RNF180: variants seen among roughly 807,000 people sequenced by gnomAD.
RNF180 encodes the protein E3 ubiquitin-protein ligase RNF180.
In RNF180, 38 loss-of-function variants were observed where a neutral mutation model predicts 59.2. The ratio of observed to expected loss-of-function variants is 0.64; its 90% CI spans 0.50 to 0.84. RNF180 has a LOEUF of 0.84. Among genes scored for constraint, RNF180 ranks in the 40% least tolerant of loss-of-function variants. The pLI is 0.00. For missense variants in RNF180, 705 were observed against 700.9 expected, an observed-to-expected ratio of 1.01 and a Z score of -0.07; for synonymous variants, 262 against 240.3, an observed-to-expected ratio of 1.09 and a Z score of -0.84.
At chr5:64,336,359 C>T (rs1056438769) in intron 7 of RNF180, among the ~76,000 whole-genome samples, 2 of 152,056 alleles carry the variant, frequency 1.3e-5, no homozygotes, top group African/African-American at 4.8e-5. Flanking sequence ...TAATGCTCTA[C>T]TAAGGTGTGC....
chr5:64,183,441 CTTTTTTTT>C (rs367772828), intron 1 of RNF180, among the ~76,000 whole-genome samples: 3 of 89,914 alleles, frequency 3.3e-5, no homozygotes, highest in Admixed American at 1.3e-4. Context: ...GAAAGTATAC[CTTTTTTTT>C]TTTTTTTTTT....
At chr5:64,202,772 A>C (rs1451125077) in intron 2 of RNF180, among the ~76,000 whole-genome samples, 3 of 152,136 alleles carry the variant, frequency 2.0e-5, no homozygotes, top group Admixed American at 1.3e-4. Flanking sequence ...AACTGTTTTA[A>C]ATGCTTTAAA....
chr5:64,329,149 C>CA (rs1350659326), intron 6 of RNF180, among the ~76,000 whole-genome samples: 62 of 152,286 alleles, frequency 4.1e-4, no homozygotes, highest in African/African-American at 1.5e-3. Context: ...CTCAGGTGGT[C>CA]AACCCATCAC....
chr5:64,287,048 C>CAA (rs1346687088), intron 5 of RNF180, among the ~76,000 whole-genome samples: 1 of 152,156 alleles, frequency 6.6e-6, no homozygotes, highest in Non-Finnish European at 1.5e-5. Context: ...CTCACTGCAA[C>CAA]CTCCACCTCC....
In RNF180 at chr5:64,238,702, T is replaced by C. The variant is rs144871824; in HGVS notation, c.1227+21306T>C. Among the ~76,000 whole-genome samples, 984 of 152,332 alleles carry C rather than the reference T, an allele frequency of 6.5e-3. 10 individuals carry two copies. The highest frequency in any genetic ancestry group is 0.011 in the Non-Finnish European group (753 of 68,018). ...ATTGGGTTATTTTTTACTACTGAGT[T>C]GTAGGAGCTCCTTATATACTTTGGA... On this transcript the variant is annotated intron_variant, in intron 5 of 7. Coordinates refer to ENST00000389100, the MANE Select transcript of RNF180 (RefSeq NM_001113561.2).
chr5:64,307,912 T>C (rs1561251762), intron 5 of RNF180, among the ~76,000 whole-genome samples: 1 of 151,830 alleles, frequency 6.6e-6, no homozygotes, highest in African/African-American at 2.4e-5. Flanking sequence ...CCATCTGTAA[T>C]CTGCTAAATT....
chr5:64,246,584 A>G (rs1743182068), intron 5 of RNF180, among the ~76,000 whole-genome samples: 1 of 152,212 alleles, frequency 6.6e-6, no homozygotes, highest in African/African-American at 2.4e-5. Context: ...CCCTGAATAG[A>G]CCAATAACAA....
At chr5:64,306,562 T>G (rs1743467965) in intron 5 of RNF180, among the ~76,000 whole-genome samples, 1 of 151,606 alleles carries the variant, frequency 6.6e-6, no homozygotes, top group Non-Finnish European at 1.5e-5. Context: ...TAGCAAAGAC[T>G]TGGAACCAAC....
intron 6 of RNF180, among the ~76,000 whole-genome samples, chr5:64,328,428 T>G (rs536193257): frequency 2.0e-4 from 31 of 152,364 alleles, no homozygotes; most frequent in Non-Finnish European, 4.0e-4. Context: ...AAAAGTGGAC[T>G]TTAATAAAAC....
chr5:64,357,216 G>C (rs1746062830), intron 7 of RNF180, among the ~76,000 whole-genome samples: 1 of 151,720 alleles, frequency 6.6e-6, no homozygotes, highest in Non-Finnish European at 1.5e-5. Context: ...TAGGAGAAAA[G>C]ATGAAATTTA....
At chr5:64,308,710 T>C (rs1200102212) in intron 5 of RNF180, among the ~76,000 whole-genome samples, 1 of 151,748 alleles carries the variant, frequency 6.6e-6, no homozygotes, top group Non-Finnish European at 1.5e-5. Context: ...AAAGGGGGAT[T>C]TTTCTGTATT....
intron 5 of RNF180, among the ~76,000 whole-genome samples, chr5:64,288,724 G>A (rs1452918163): frequency 6.6e-6 from 1 of 152,152 alleles, no homozygotes; most frequent in Admixed American, 6.6e-5. Flanking sequence ...GAATGCTAGT[G>A]ATTTTTGCAC....
In RNF180 at chr5:64,370,444, C is replaced by T. The variant is rs1330352626; in HGVS notation, c.*630C>T. ...CATGAGACTAATCCCTACCAATAAA[C>T]ACTTTAGCTAGCTATAAACACTTTC... is the stretch of plus-strand genomic sequence containing the variant. On this transcript the variant is annotated 3_prime_UTR_variant, in exon 8 of 8. Transcript: ENST00000389100. The T allele has an allele frequency of 1.3e-5, 2 of 151,532 alleles. No individual in the cohort carries two copies. Among genetic ancestry groups the T allele is most frequent in the African/African-American group, 4.8e-5 (2 of 41,348 alleles). The allele number at this position is 151,532 out of a possible 1,614,324, so 9.4% of individuals were successfully genotyped here.
intron 1 of RNF180, among the ~76,000 whole-genome samples, chr5:64,181,133 C>T (rs968599081): frequency 6.6e-6 from 1 of 152,190 alleles, no homozygotes; most frequent in Non-Finnish European, 1.5e-5. Context: ...GCTCCTTCCA[C>T]GTTCTTCTGC....
At chr5:64,334,986 C>T (rs762216294) in intron 7 of RNF180, among the ~76,000 whole-genome samples, 4 of 152,164 alleles carry the variant, frequency 2.6e-5, no homozygotes, top group African/African-American at 4.8e-5. Context: ...TCCTAAATGG[C>T]TGTGATGATT....
intron 5 of RNF180, among the ~76,000 whole-genome samples, chr5:64,218,712 CT>C (rs1433653058): frequency 6.6e-6 from 1 of 152,086 alleles, no homozygotes; most frequent in Non-Finnish European, 1.5e-5. Flanking sequence ...CATGGTATGT[CT>C]TTCTTTTTAA....
At chr5:64,367,745 C>A (rs1284582723) in intron 7 of RNF180, among the ~76,000 whole-genome samples, 1 of 151,626 alleles carries the variant, frequency 6.6e-6, no homozygotes, top group African/African-American at 2.4e-5. Context: ...CCAGAGTTTG[C>A]TTCAGGCTAG....
intron 5 of RNF180, among the ~76,000 whole-genome samples, chr5:64,239,358 G>T (rs1385256348): frequency 1.3e-5 from 2 of 152,054 alleles, no homozygotes; most frequent in Non-Finnish European, 2.9e-5. Context: ...CAGCTGTTTT[G>T]TTCTCAGCTT....
At chr5:64,253,683 C>T (rs1743736753) in intron 5 of RNF180, among the ~76,000 whole-genome samples, 1 of 152,104 alleles carries the variant, frequency 6.6e-6, no homozygotes, top group African/African-American at 2.4e-5. Context: ...AAGATGTTGA[C>T]ATAAATAATA....
Sources: gnomAD v4.1 joint callset for allele counts (sites outside exome capture counted in the v4.1 genomes callset) on GRCh38, gnomAD v4.1.1 for gene constraint, MANE v1.5 for transcripts, NCBI Gene and HGNC (gene_info 2026-07-23, HGNC 2026-07-21) for gene names.